LUZP2: variants seen among roughly 807,000 people sequenced by gnomAD.
The protein encoded by LUZP2 is leucine zipper protein 2.
LUZP2 carries 52 observed loss-of-function variants against 51.6 expected under a neutral mutation model. The ratio of observed to expected loss-of-function variants is 1.01; its 90% CI spans 0.81 to 1.27. The LOEUF is 1.27. Among genes scored for constraint, LUZP2 ranks in the 50% most tolerant of loss-of-function variants. The pLI, the probability that LUZP2 is intolerant of heterozygous loss-of-function variation, is 0.00. For missense variants in LUZP2, 436 were observed against 395.4 expected, an observed-to-expected ratio of 1.10 and a Z score of -0.87; for synonymous variants, 154 against 137.3, an observed-to-expected ratio of 1.12 and a Z score of -0.85.
chr11:24,760,187 A>G (rs866448709), intron 4 of LUZP2, among the ~76,000 whole-genome samples: 1 of 152,146 alleles, frequency 6.6e-6, no homozygotes, highest in African/African-American at 2.4e-5. Context: ...CTGGGTTAAG[A>G]TAAGTGGTTG....
rs77268525 is a variant in LUZP2, at chr11:24,910,891, G to A, written c.460-3585G>A. ...CACCGTGCACCTGGAAAAGGCATGGGCACTCAATGCTAGCCCATGAAAGCA... is the reference window on the plus strand; with the variant it reads ...CACCGTGCACCTGGAAAAGGCATGGACACTCAATGCTAGCCCATGAAAGCA... On this transcript the variant is annotated intron_variant, in intron 6 of 11. Coordinates refer to ENST00000336930, the MANE Select transcript of LUZP2 (RefSeq NM_001009909.4). Among the ~76,000 whole-genome samples the A allele has an allele frequency of 9.6e-3, 1,462 of 152,160 alleles. 19 individuals are homozygous for A. The highest frequency in any genetic ancestry group is 0.044 in the South Asian group (211 of 4,806).
At chr11:25,071,315 C>T (rs1183193041) in intron 10 of LUZP2, among the ~76,000 whole-genome samples, 1 of 151,812 alleles carries the variant, frequency 6.6e-6, no homozygotes, top group Non-Finnish European at 1.5e-5. Flanking sequence ...TTAACGGGTG[C>T]AGCACACCAA....
intron 5 of LUZP2, among the ~76,000 whole-genome samples, chr11:24,850,844 T>C (rs1214340633): frequency 2.6e-5 from 4 of 152,190 alleles, no homozygotes; most frequent in Non-Finnish European, 4.4e-5. Flanking sequence ...ACATCCCTTG[T>C]AAGTTGTATT....
At chr11:25,053,442 C>A (rs184886242) in intron 10 of LUZP2, among the ~76,000 whole-genome samples, 80 of 151,840 alleles carry the variant, frequency 5.3e-4, no homozygotes, top group African/African-American at 1.9e-3. Context: ...AAAAATTCAC[C>A]CATATAAGTG....
chr11:24,747,361 T>C (rs954011721), intron 4 of LUZP2, among the ~76,000 whole-genome samples: 27 of 152,230 alleles, frequency 1.8e-4, no homozygotes, highest in African/African-American at 6.3e-4. Flanking sequence ...TCTGGGCCAG[T>C]ACTGGGGGCT....
At chr11:24,769,526 A>G (rs75730458) in intron 5 of LUZP2, among the ~76,000 whole-genome samples, 12,195 of 152,210 alleles carry the variant, frequency 0.08, 1,059 homozygotes, top group African/African-American at 0.22. Context: ...TGTGTCGATT[A>G]AAACCTAATA....
At chr11:24,855,401 T>C (rs961858161) in intron 5 of LUZP2, among the ~76,000 whole-genome samples, 5 of 152,158 alleles carry the variant, frequency 3.3e-5, no homozygotes, top group African/African-American at 4.8e-5. Flanking sequence ...TCTAGGCATA[T>C]GTTTAACCCA....
rs552836800 is a variant in LUZP2 at position 24,676,806 on chromosome 11, G to A, written c.63-52363G>A. Among the ~76,000 whole-genome samples the A allele has an allele frequency of 3.9e-5, 6 of 152,120 alleles. No homozygotes were observed. The South Asian group carries it at 8.3e-4, about 21-fold the overall frequency. On this transcript the variant is annotated intron_variant, in intron 1 of 11. Coordinates refer to ENST00000336930, the MANE Select transcript of LUZP2 (RefSeq NM_001009909.4). The stretch of plus-strand genomic sequence containing the variant: ...AGCCTCCCAAGTAGCTGAGACTACA[G>A]TCACTCACCATCATGTCTGGCTAAT...
intron 4 of LUZP2, among the ~76,000 whole-genome samples, chr11:24,759,950 T>C (rs1387137333): frequency 6.6e-6 from 1 of 151,860 alleles, no homozygotes; most frequent in African/African-American, 2.4e-5. Flanking sequence ...TACAGCTTGG[T>C]TTTATATGTT....
Position 24,600,832 on chromosome 11 carries a change from G to T in LUZP2, c.62+103527G>T, listed in dbSNP as rs151278249. 2.6e-5 allele frequency among the ~76,000 whole-genome samples: 4 copies of T among 152,124 alleles called. No homozygotes were observed. The East Asian group carries it at 7.7e-4, about 29-fold the overall frequency. ...AGCTGTTTAAAAAGAAGGTAGACAC[G>T]CTAGACTCAATAAAAAACAAAAACA... is the stretch of plus-strand genomic sequence containing the variant. On this transcript the variant is annotated intron_variant, in intron 1 of 11. Coordinates refer to ENST00000336930, the MANE Select transcript of LUZP2 (RefSeq NM_001009909.4).
At chr11:24,695,888 A>C (rs189095034) in intron 1 of LUZP2, among the ~76,000 whole-genome samples, 337 of 135,024 alleles carry the variant, frequency 2.5e-3, no homozygotes, top group East Asian at 0.013. Flanking sequence ...ATACTTTTCT[A>C]AAAAAAAAAG....
intron 7 of LUZP2, among the ~76,000 whole-genome samples, chr11:24,929,061 T>C (rs1242769744): frequency 6.6e-6 from 1 of 152,108 alleles, no homozygotes; most frequent in African/African-American, 2.4e-5. Flanking sequence ...TTTGTATTTC[T>C]GTGGTATCAG....
chr11:24,554,620 T>C (rs1564987569), intron 1 of LUZP2, among the ~76,000 whole-genome samples: 1 of 152,004 alleles, frequency 6.6e-6, no homozygotes, highest in Non-Finnish European at 1.5e-5. Flanking sequence ...TGAATGATCA[T>C]TATTGATTAA....
chr11:24,499,043 A>G (rs1400354713), intron 1 of LUZP2, among the ~76,000 whole-genome samples: 1 of 152,202 alleles, frequency 6.6e-6, no homozygotes, highest in Non-Finnish European at 1.5e-5. Context: ...CCTTTCATGA[A>G]AGTGTTGATT....
chr11:24,769,309 G>T (rs563774665), intron 5 of LUZP2, among the ~76,000 whole-genome samples: 1 of 152,276 alleles, frequency 6.6e-6, no homozygotes, highest in South Asian at 2.1e-4. Context: ...AATAAGTTCT[G>T]CGTCTTATTG....
chr11:24,538,235 G>C (rs1247618284), intron 1 of LUZP2, among the ~76,000 whole-genome samples: 1 of 151,736 alleles, frequency 6.6e-6, no homozygotes, highest in Non-Finnish European at 1.5e-5. Context: ...AATTAAAATA[G>C]TAATAATGAA....
At chr11:24,563,502 G>A (rs1852122593) in intron 1 of LUZP2, among the ~76,000 whole-genome samples, 1 of 152,030 alleles carries the variant, frequency 6.6e-6, no homozygotes, top group South Asian at 2.1e-4. Flanking sequence ...TGTAAATTAA[G>A]AATAAAATTA....
chr11:25,002,816 A>G (rs781103593), intron 9 of LUZP2, among the ~76,000 whole-genome samples: 1 of 152,052 alleles, frequency 6.6e-6, no homozygotes, highest in Non-Finnish European at 1.5e-5. Flanking sequence ...CTTCTTTAAG[A>G]TTTTGAAGGC....
chr11:24,518,400 A>G (rs1850544169), intron 1 of LUZP2, among the ~76,000 whole-genome samples: 1 of 152,088 alleles, frequency 6.6e-6, no homozygotes, highest in Non-Finnish European at 1.5e-5. Context: ...CCCTTGTAAC[A>G]TTGTATATTT....
Sources: gnomAD v4.1 joint callset for allele counts (sites outside exome capture counted in the v4.1 genomes callset) on GRCh38, gnomAD v4.1.1 for gene constraint, MANE v1.5 for transcripts, NCBI Gene and HGNC (gene_info 2026-07-23, HGNC 2026-07-21) for gene names.